The following DNM3 variants were observed in gnomAD, a reference collection of about 807,000 sequenced individuals.
DNM3 encodes the protein dynamin-3.
A neutral mutation model predicts 101.6 loss-of-function variants in DNM3; 47 were observed. That is an observed-to-expected ratio of 0.46 (90% confidence interval 0.37 to 0.59). DNM3 has a LOEUF of 0.59. DNM3 is among the 20% of genes least tolerant of loss of function. DNM3 has a pLI of 0.00. For synonymous variants in DNM3, 385 were observed against 387.9 expected (o/e 0.99, Z 0.09); for missense variants, 849 against 1,085.7 (o/e 0.78, Z 3.06).
chr1:172,410,508 T>C lies in DNM3; in HGVS notation c.*2667T>C, dbSNP rs530653031. ...TATTTGATAGGTAAATATAGTTTTA[T>C]TGTCACATGCTAAATATTGCATGCA... On this transcript the variant is annotated 3_prime_UTR_variant, in exon 21 of 21. Coordinates refer to ENST00000627582, the MANE Select transcript of DNM3 (RefSeq NM_015569.5). The C allele has an allele frequency of 1.7e-5, 17 of 983,876 alleles. No homozygotes were observed. In the East Asian group the frequency reaches 1.5e-3, roughly 85 times the overall value. 60.9% of individuals were successfully genotyped at this position (983,876 alleles called of 1,614,324 possible). A position where few individuals can be genotyped will look rare whatever the true frequency, so the allele number is the denominator to read the frequency against.
At chr1:172,315,734 T>A (rs1271906114) in intron 16 of DNM3, among the ~76,000 whole-genome samples, 10 of 152,056 alleles carry the variant, frequency 6.6e-5, no homozygotes. Context: ...AATATGGGAC[T>A]ATGTGAAAAG....
At position 172,297,009 on chromosome 1, in the gene DNM3, G is replaced by A. The variant is rs186850311; in HGVS notation, c.1770-11719G>A. On this transcript the variant is annotated intron_variant, in intron 15 of 20. Coordinates refer to ENST00000627582, the MANE Select transcript of DNM3 (RefSeq NM_015569.5). The stretch of plus-strand genomic sequence containing the variant: ...GATGCAAAACTCAGCTGGGCCTTGT[G>A]GCATGTTCCTGTAATCACAGCTACT... Among the ~76,000 whole-genome samples the A allele has an allele frequency of 2.9e-3, 447 of 152,198 alleles. 5 individuals are homozygous for A. Among genetic ancestry groups the A allele is most frequent in the African/African-American group, 9.9e-3 (412 of 41,516 alleles).
At chr1:172,142,790 G>C (rs1368923640) in intron 14 of DNM3, among the ~76,000 whole-genome samples, 4 of 147,566 alleles carry the variant, frequency 2.7e-5, no homozygotes, top group Admixed American at 2.0e-4. Flanking sequence ...AAAGTACCTT[G>C]TTAGCTATTT....
intron 14 of DNM3, among the ~76,000 whole-genome samples, chr1:172,153,625 C>G (rs895044209): frequency 6.6e-6 from 1 of 152,016 alleles, no homozygotes; most frequent in African/African-American, 2.4e-5. Flanking sequence ...TCTCCAGCCC[C>G]TATTCGTCCT....
At chr1:172,263,348 G>A (rs142831207) in intron 15 of DNM3, among the ~76,000 whole-genome samples, 127 of 152,196 alleles carry the variant, frequency 8.3e-4, no homozygotes, top group Middle Eastern at 3.4e-3. Flanking sequence ...CAAAGTATCC[G>A]TTCCAAAGTA....
intron 17 of DNM3, chr1:172,376,035 A>G (rs941531799): frequency 1.1e-4 from 16 of 152,216 alleles, no homozygotes; most frequent in African/African-American, 3.9e-4. Flanking sequence ...TATGTTTTAA[A>G]TAACTTAAAA....
intron 14 of DNM3, among the ~76,000 whole-genome samples, chr1:172,215,311 T>C (rs1490454556): frequency 6.6e-6 from 1 of 152,088 alleles, no homozygotes; most frequent in Non-Finnish European, 1.5e-5. Context: ...TAACTTCTCT[T>C]TGGAGTGCAA....
At chr1:171,987,405 G>A in intron 2 of DNM3, 2 of 804,870 alleles carry the variant, frequency 2.5e-6, no homozygotes, top group Non-Finnish European at 3.0e-6. Flanking sequence ...TAGGCTAGAT[G>A]GTTTAGGGAC....
At chr1:172,024,569 G>A (rs1445434890) in intron 4 of DNM3, among the ~76,000 whole-genome samples, 1 of 152,244 alleles carries the variant, frequency 6.6e-6, no homozygotes, top group East Asian at 1.9e-4. Context: ...CAACGCAGAA[G>A]GCAGGTGATT....
At chr1:172,192,200 G>C (rs573282149) in intron 14 of DNM3, among the ~76,000 whole-genome samples, 1 of 151,922 alleles carries the variant, frequency 6.6e-6, no homozygotes, top group Non-Finnish European at 1.5e-5. Context: ...AGTTTTTAGC[G>C]TGAAGGGCTG....
chr1:171,862,103 A>T (rs2034232593), intron 1 of DNM3, among the ~76,000 whole-genome samples: 1 of 152,196 alleles, frequency 6.6e-6, no homozygotes, highest in Non-Finnish European at 1.5e-5. Flanking sequence ...GATGTGGAGA[A>T]ATTGGAACAC....
chr1:172,164,496 G>A (rs1444916490), intron 14 of DNM3, among the ~76,000 whole-genome samples: 1 of 151,720 alleles, frequency 6.6e-6, no homozygotes, highest in African/African-American at 2.4e-5. Context: ...AAAAACTCTG[G>A]CCAGCCAGGC....
chr1:172,045,849 C>T (rs1325667550), intron 9 of DNM3, among the ~76,000 whole-genome samples: 1 of 152,176 alleles, frequency 6.6e-6, no homozygotes, highest in Non-Finnish European at 1.5e-5. Flanking sequence ...GGAACAGGCC[C>T]TGAGAAGGCA....
chr1:172,297,836 T>C (rs188767397), intron 15 of DNM3, among the ~76,000 whole-genome samples: 24 of 152,274 alleles, frequency 1.6e-4, no homozygotes, highest in African/African-American at 5.5e-4. Flanking sequence ...TTGATGTACA[T>C]ATTTGTGTCT....
intron 17 of DNM3, among the ~76,000 whole-genome samples, chr1:172,361,841 T>G (rs981224157): frequency 8.6e-5 from 13 of 152,014 alleles, no homozygotes; most frequent in African/African-American, 3.1e-4. Context: ...TTTATGCTTT[T>G]TCTGTCCTTC....
intron 4 of DNM3, among the ~76,000 whole-genome samples, chr1:172,022,227 G>C (rs1187040080): frequency 1.3e-5 from 2 of 152,084 alleles, no homozygotes; most frequent in Non-Finnish European, 2.9e-5. Flanking sequence ...CTATCTCTTG[G>C]TGGTTGTTTT....
At chr1:172,137,907 G>A (rs1024418912) in intron 14 of DNM3, 2 of 152,074 alleles carry the variant, frequency 1.3e-5, no homozygotes, top group African/African-American at 4.8e-5. Context: ...CTCAAAAGAT[G>A]TGTCAAAATA....
intron 14 of DNM3, among the ~76,000 whole-genome samples, chr1:172,169,950 G>T (rs77158412): frequency 0.026 from 3,928 of 151,862 alleles, 182 homozygotes; most frequent in African/African-American, 0.089. Flanking sequence ...CATAATGTTG[G>T]GTTTTACAGT....
At chr1:172,418,050 A>C (rs891538389) in intron 20 of DNM3, among the ~76,000 whole-genome samples, 3 of 152,304 alleles carry the variant, frequency 2.0e-5, no homozygotes, top group Non-Finnish European at 4.4e-5. Flanking sequence ...CATACCTAGA[A>C]CATTGCTAGT....
Sources: allele counts gnomAD v4.1 joint callset (sites outside exome capture counted in the v4.1 genomes callset), GRCh38; gene constraint gnomAD v4.1.1; transcripts MANE v1.5; gene names NCBI Gene and HGNC (gene_info 2026-07-23, HGNC 2026-07-21).